Variants in MTUS2 observed in about 807,000 individuals in gnomAD.
The protein encoded by MTUS2 is microtubule associated scaffold protein 2.
A neutral mutation model predicts 114.1 loss-of-function variants in MTUS2; 40 were observed. That is an observed-to-expected ratio of 0.35 (90% CI 0.27 to 0.46). MTUS2 has a LOEUF of 0.46. Ranked by LOEUF, MTUS2 falls within the 20% of genes least tolerant of loss-of-function variation. MTUS2 has a pLI of 1.00. For synonymous variants in MTUS2, 688 were observed against 672.0 expected, an observed-to-expected ratio of 1.02 and a Z score of -0.37; for missense variants, 1,679 against 1,705.4, an observed-to-expected ratio of 0.98 and a Z score of 0.27.
intron 6 of MTUS2, among the ~76,000 whole-genome samples, chr13:29,310,774 C>T (rs1248636907): frequency 6.6e-6 from 1 of 152,176 alleles, no homozygotes; most frequent in African/African-American, 2.4e-5. Flanking sequence ...AACTCTCATA[C>T]AGTGCTGGTG....
chr13:29,039,445 G>A (rs1295297174), intron 4 of MTUS2, among the ~76,000 whole-genome samples: 4 of 152,338 alleles, frequency 2.6e-5, no homozygotes, highest in Non-Finnish European at 4.4e-5. Flanking sequence ...GGCGCGTCAC[G>A]GAATCAGGGA....
intron 2 of MTUS2, among the ~76,000 whole-genome samples, chr13:28,964,753 T>TTTTTTTTTTTTTTTTTTTG (rs1555278824): frequency 6.8e-6 from 1 of 148,002 alleles, no homozygotes. Flanking sequence ...TTTGTGTTTT[T>TTTTTTTTTTTTTTTTTTTG]AATGCCTGGG....
At chr13:29,323,508 C>G (rs1046301573) in intron 6 of MTUS2, among the ~76,000 whole-genome samples, 1 of 152,116 alleles carries the variant, frequency 6.6e-6, no homozygotes, top group African/African-American at 2.4e-5. Flanking sequence ...CCTCGGCCTC[C>G]CAAAGTGCTG....
intron 2 of MTUS2, among the ~76,000 whole-genome samples, chr13:28,982,885 T>C (rs565534345): frequency 6.6e-6 from 1 of 152,186 alleles, no homozygotes; most frequent in African/African-American, 2.4e-5. Flanking sequence ...GATAGCAACA[T>C]GGGGGAATTG....
At chr13:28,997,322 G>T (rs887157869) in intron 2 of MTUS2, among the ~76,000 whole-genome samples, 3 of 152,150 alleles carry the variant, frequency 2.0e-5, no homozygotes, top group Admixed American at 2.0e-4. Flanking sequence ...CAACTATGTG[G>T]ACAATTTTGG....
chr13:29,094,368 A>G (rs1197390862), intron 4 of MTUS2, among the ~76,000 whole-genome samples: 2 of 151,616 alleles, frequency 1.3e-5, no homozygotes, highest in South Asian at 2.1e-4. Flanking sequence ...TTCTAATTCA[A>G]TCTCTCTTTT....
At chr13:28,837,294 G>T (rs1229886051) in intron 1 of MTUS2, among the ~76,000 whole-genome samples, 1 of 152,216 alleles carries the variant, frequency 6.6e-6, no homozygotes, top group African/African-American at 2.4e-5. Flanking sequence ...GCAGCCACCT[G>T]TTTCGGGTTT....
chr13:29,118,970 A>G (rs1242155399), intron 5 of MTUS2, among the ~76,000 whole-genome samples: 2 of 152,150 alleles, frequency 1.3e-5, no homozygotes, highest in Non-Finnish European at 2.9e-5. Flanking sequence ...CACCCCTCGA[A>G]CACAAGTTTG....
intron 2 of MTUS2, among the ~76,000 whole-genome samples, chr13:28,909,039 A>G (rs1178178422): frequency 6.6e-6 from 1 of 151,280 alleles, no homozygotes; most frequent in African/African-American, 2.4e-5. Context: ...GTTCTGTTCC[A>G]TTGGTCTATA....
At chr13:29,364,192 G>C (rs527839561) in intron 8 of MTUS2, among the ~76,000 whole-genome samples, 1 of 152,288 alleles carries the variant, frequency 6.6e-6, no homozygotes, top group South Asian at 2.1e-4. Flanking sequence ...AATGGTTTAA[G>C]CTGTTGCCAT....
intron 8 of MTUS2, among the ~76,000 whole-genome samples, chr13:29,370,529 T>A (rs1358964430): frequency 6.6e-6 from 1 of 152,182 alleles, no homozygotes; most frequent in African/African-American, 2.4e-5. Context: ...TTAATGGCAT[T>A]ATCCTGGAGT....
chr13:29,073,997 G>C (rs954520579), intron 4 of MTUS2, among the ~76,000 whole-genome samples: 1 of 152,040 alleles, frequency 6.6e-6, no homozygotes, highest in Non-Finnish European at 1.5e-5. Context: ...GCTCAGCCCC[G>C]TTCCTGCTCT....
In MTUS2 at chr13:29,317,432, C is replaced by T. The variant is rs1295818300; in HGVS notation, c.2807-7181C>T. Among the ~76,000 whole-genome samples, 24 of 51,670 alleles carry T rather than the reference C, an allele frequency of 4.6e-4. 1 individual carries two copies. Among genetic ancestry groups the T allele is most frequent in the African/African-American group, 1.6e-3 (24 of 15,260 alleles). The allele number at this position is 51,670 out of a possible 152,430, so 33.9% of individuals were successfully genotyped here. ...GCTTGTGCGCGCGCTCTCTCTCTCT[C>T]TTTTTTTTTTTTTTTTTGAGACGGA... On this transcript the variant is annotated intron_variant, in intron 6 of 15. Coordinates refer to ENST00000612955, the MANE Select transcript of MTUS2 (RefSeq NM_001033602.4).
At chr13:29,365,275 G>T (rs141242389) in intron 8 of MTUS2, among the ~76,000 whole-genome samples, 1 of 152,146 alleles carries the variant, frequency 6.6e-6, no homozygotes, top group Non-Finnish European at 1.5e-5. Context: ...GGTGTCAGTT[G>T]TGCAAAACAT....
rs1331243274 is a variant in MTUS2, at chr13:29,503,269, A to ACCGAC, written c.*67_*71dup. On this transcript the variant is annotated 3_prime_UTR_variant, in exon 16 of 16. Transcript: ENST00000612955. ...CCTCCGGTCTCCACCCTGAGGGAGC[A>ACCGAC]CCGACCCGGTGCCGCCGGAGCTGGC... 3.8e-6 allele frequency: 6 copies of ACCGAC among 1,579,360 alleles called. No individual in the cohort carries two copies. In the African/African-American group the frequency reaches 5.4e-5, roughly 14 times the overall value.
intron 7 of MTUS2, among the ~76,000 whole-genome samples, chr13:29,357,176 A>ATGATGG (rs1331068367): frequency 2.0e-5 from 2 of 100,600 alleles, no homozygotes; most frequent in Non-Finnish European, 5.0e-5. Flanking sequence ...TTCTAACATG[A>ATGATGG]TGATGATGAT....
intron 5 of MTUS2, among the ~76,000 whole-genome samples, chr13:29,224,517 A>G (rs1425667197): frequency 6.6e-6 from 1 of 151,972 alleles, no homozygotes; most frequent in African/African-American, 2.4e-5. Context: ...AAAAATTCTA[A>G]TTATATCTCT....
At chr13:29,220,563 G>A (rs1593183705) in intron 5 of MTUS2, among the ~76,000 whole-genome samples, 1 of 152,136 alleles carries the variant, frequency 6.6e-6, no homozygotes, top group Non-Finnish European at 1.5e-5. Context: ...CCAAGGAGAG[G>A]GAGAGGGACA....
chr13:29,479,964 C>G, intron 9 of MTUS2, 186 bp from the exon 10 acceptor site: 1 of 536,768 alleles, frequency 1.9e-6, no homozygotes, highest in Non-Finnish European at 3.3e-6. Context: ...TCTCAACATC[C>G]AGGGTCTGTT....
Sources: allele counts gnomAD v4.1 joint callset (sites outside exome capture counted in the v4.1 genomes callset), GRCh38; gene constraint gnomAD v4.1.1; transcripts MANE v1.5; gene names NCBI Gene and HGNC (gene_info 2026-07-23, HGNC 2026-07-21).